The following PTPN11 variants were observed in gnomAD, a reference collection of about 807,000 sequenced individuals.
PTPN11 encodes protein tyrosine phosphatase non-receptor type 11.
A neutral mutation model predicts 78.8 loss-of-function variants in PTPN11; 6 were observed. The observed-to-expected ratio is 0.08, with a 90% CI of 0.04 to 0.15. The LOEUF (loss-of-function observed/expected upper bound fraction) is 0.15. PTPN11 is among the 10% of genes least tolerant of loss of function. The pLI is 1.00. For synonymous variants in PTPN11, 221 were observed against 263.5 expected (o/e 0.84, Z 1.56); for missense variants, 386 against 744.8 (o/e 0.52, Z 5.61).
chr12:112,469,622 C>T (rs573612430), intron 6 of PTPN11, among the ~76,000 whole-genome samples: 1 of 152,074 alleles, frequency 6.6e-6, no homozygotes, highest in African/African-American at 2.4e-5. Context: ...TTAAGCGATT[C>T]TCCTGCCTCA....
intron 1 of PTPN11, among the ~76,000 whole-genome samples, chr12:112,438,207 T>C (rs940143128): frequency 6.6e-6 from 1 of 152,190 alleles, no homozygotes; most frequent in African/African-American, 2.4e-5. Context: ...GGTTGAGCAG[T>C]CACTCACTGA....
chr12:112,474,336 C>A (rs2038465109), intron 7 of PTPN11, among the ~76,000 whole-genome samples: 2 of 152,100 alleles, frequency 1.3e-5, no homozygotes, highest in African/African-American at 4.8e-5. Context: ...GCACTCCAGG[C>A]TGGGCGACAG....
chr12:112,436,268 TA>T (rs2037788721), intron 1 of PTPN11, among the ~76,000 whole-genome samples: 1 of 152,248 alleles, frequency 6.6e-6, no homozygotes, highest in Non-Finnish European at 1.5e-5. Flanking sequence ...ATAATTGTTT[TA>T]TGTATTCATT....
At chr12:112,493,923 A>G (rs2038785065) in intron 13 of PTPN11, among the ~76,000 whole-genome samples, 1 of 152,138 alleles carries the variant, frequency 6.6e-6, no homozygotes, top group Admixed American at 6.5e-5. Flanking sequence ...AATGTCATCC[A>G]TGTTCTTGCA....
chr12:112,507,624 T>C lies in PTPN11; in HGVS notation c.*1832T>C, dbSNP rs563302019. The C allele has an allele frequency of 7.8e-4, 120 of 152,938 alleles. 4 individuals are homozygous for C. Among genetic ancestry groups the C allele is most frequent in the South Asian group, 4.1e-4 (2 of 4,830 alleles). 9.5% of individuals were successfully genotyped at this position (152,938 alleles called of 1,614,324 possible). On this transcript the variant is annotated 3_prime_UTR_variant, in exon 16 of 16. Transcript: ENST00000351677. ...GATATTTCAATGAAAATATCATTGG[T>C]TGACTTTTGTGATGGTAATAATGCT...
chr12:112,496,692 C>G (rs2038818312), intron 13 of PTPN11, among the ~76,000 whole-genome samples: 1 of 152,338 alleles, frequency 6.6e-6, no homozygotes, highest in East Asian at 1.9e-4. Context: ...ACCAACCTAT[C>G]TACTCATTTG....
At chr12:112,425,201 A>G (rs1394037151) in intron 1 of PTPN11, among the ~76,000 whole-genome samples, 1 of 151,970 alleles carries the variant, frequency 6.6e-6, no homozygotes, top group Admixed American at 6.6e-5. Context: ...TTATTGCATT[A>G]TTGTTGAGAT....
chr12:112,486,948 A>C, intron 11 of PTPN11: 1 of 1,315,568 alleles, frequency 7.6e-7, no homozygotes, highest in Non-Finnish European at 9.8e-7. Flanking sequence ...CTTATTCTTC[A>C]TGATGTTTGC....
At chr12:112,466,410 T>G (rs2038326213) in intron 6 of PTPN11, among the ~76,000 whole-genome samples, 1 of 152,170 alleles carries the variant, frequency 6.6e-6, no homozygotes, top group Non-Finnish European at 1.5e-5. Flanking sequence ...AAGAGAGAAG[T>G]TGAAAAGGCC....
At chr12:112,475,344 TA>T (rs535734776) in intron 7 of PTPN11, among the ~76,000 whole-genome samples, 23 of 146,240 alleles carry the variant, frequency 1.6e-4, no homozygotes, top group East Asian at 1.2e-3. Context: ...ATCCTGTCCC[TA>T]AAAAAAAAAG....
chr12:112,456,480 ACAGGGTCT>A (rs1426267985), intron 6 of PTPN11, among the ~76,000 whole-genome samples: 2 of 142,906 alleles, frequency 1.4e-5, no homozygotes, highest in Non-Finnish European at 3.0e-5. Context: ...TTTTTTTGAG[ACAGGGTCT>A]CGCTCTGTCG....
chr12:112,448,959 C>T lies in PTPN11; in HGVS notation c.138-1359C>T, dbSNP rs370191859. Among the ~76,000 whole-genome samples the T allele has an allele frequency of 1.0e-4, 15 of 149,570 alleles. No homozygotes were observed. The East Asian group carries it at 1.8e-3, about 18-fold the overall frequency. On this transcript the variant is annotated intron_variant, in intron 2 of 15. Transcript: ENST00000351677. Reference sequence around the variant, plus strand: ...TGGAGTGCAGTGGTGAGATCTCGGCCGACTGCAACTTCCGCCTCCCGGGTT... The same window carrying T: ...TGGAGTGCAGTGGTGAGATCTCGGCTGACTGCAACTTCCGCCTCCCGGGTT...
chr12:112,500,822 C>T (rs1420844710), intron 13 of PTPN11, among the ~76,000 whole-genome samples: 1 of 152,170 alleles, frequency 6.6e-6, no homozygotes, highest in Non-Finnish European at 1.5e-5. Flanking sequence ...GAACTCCTGA[C>T]CTCAAGTGAT....
At position 112,446,325 on chromosome 12, in the gene PTPN11, A is replaced by C; in HGVS notation, c.64A>C (p.Thr22Pro). 1 of 1,614,126 alleles carries C rather than the reference A, an allele frequency of 6.2e-7. No homozygotes were observed. Among genetic ancestry groups the C allele is most frequent in the Non-Finnish European group, 8.5e-7 (1 of 1,179,986 alleles). ...TGVEAENLLL[T>P]RGVDGSFLAR... ...TGTGGAGGCAGAAAACCTACTGTTG[A>C]CAAGAGGAGTTGATGGCAGTTTTTT... Residue 22 changes from threonine (T) to proline (P), a missense_variant, in exon 2 of 16, where the codon ACA becomes CCA. Physicochemically the swap from Thr to Pro is conservative, Grantham distance 38. This residue lies in a region of PTPN11 where 279 missense variants were observed against 503.3 expected (regional missense o/e 0.55). Transcript: ENST00000351677.
intron 4 of PTPN11, 140 bp downstream of exon 4, chr12:112,453,527 G>T: frequency 1.3e-6 from 1 of 747,642 alleles, no homozygotes; most frequent in South Asian, 2.1e-5. Context: ...TTTGAGACAG[G>T]GTCTTGCTCT....
intron 6 of PTPN11, among the ~76,000 whole-genome samples, chr12:112,468,544 G>A (rs2038364870): frequency 6.6e-6 from 1 of 152,208 alleles, no homozygotes; most frequent in Admixed American, 6.5e-5. Flanking sequence ...ATGAGGCTGG[G>A]CTAATTGGTG....
rs2038964486 is a variant in PTPN11 at position 112,508,592 on chromosome 12, A to G, written c.*2800A>G. Reference sequence around the variant, plus strand: ...GGGTATTAAATATGCACAATATTCCATAGCTCACTGAGGATTTTAAAATTA... The same window carrying G: ...GGGTATTAAATATGCACAATATTCCGTAGCTCACTGAGGATTTTAAAATTA... On this transcript the variant is annotated 3_prime_UTR_variant, in exon 16 of 16. Transcript: ENST00000351677. 6.6e-6 allele frequency: 1 copy of G among 152,234 alleles called. No individual in the cohort carries two copies. The highest frequency in any genetic ancestry group is 2.4e-5 in the African/African-American group (1 of 41,452). The allele number at this position is 152,234 out of a possible 1,614,324, so 9.4% of individuals were successfully genotyped here.
In PTPN11 at chr12:112,477,677, G is replaced by A. The variant is rs376007642; in HGVS notation, c.880G>A (p.Asp294Asn). 8 of 1,612,930 alleles carry A rather than the reference G, an allele frequency of 5.0e-6. No homozygotes were observed. Among genetic ancestry groups the A allele is most frequent in the African/African-American group, 1.3e-5 (1 of 74,878 alleles). The change falls in exon 8 of 16, where the codon GAT (aspartate) becomes AAT (asparagine). Residue 294 changes from aspartate to asparagine, a missense_variant. Asp to Asn is a conservative substitution (Grantham distance 23). Around this residue, in one of 3 missense-constraint regions of PTPN11, gnomAD observed 279 missense variants for 503.3 expected, o/e 0.55. Transcript: ENST00000351677. ...PFDHTRVVLHDGDPNEPVSDY... is the reference protein window; with the variant it reads ...PFDHTRVVLHNGDPNEPVSDY... ...TGATCATACCAGGGTTGTCCTACAC[G>A]ATGGTGATCCCAATGAGCCTGTTTC...
intron 13 of PTPN11, among the ~76,000 whole-genome samples, chr12:112,492,837 CTAATT>C (rs2038767145): frequency 6.6e-6 from 1 of 152,038 alleles, no homozygotes; most frequent in South Asian, 2.1e-4. Context: ...TTTTTGCCTA[CTAATT>C]TTATATTCAT....
Sources: allele counts gnomAD v4.1 joint callset (sites outside exome capture counted in the v4.1 genomes callset), GRCh38; gene constraint gnomAD v4.1.1; regional missense constraint gnomAD v4.1.1; transcripts MANE v1.5; gene names NCBI Gene and HGNC (gene_info 2026-07-23, HGNC 2026-07-21).